LGR5: variants seen among roughly 807,000 people sequenced by gnomAD.
LGR5 encodes the protein leucine rich repeat containing G protein-coupled receptor 5, also known as leucine-rich repeat-containing G protein-coupled receptor 5.
LGR5 carries 54 observed loss-of-function variants against 76.7 expected under a neutral mutation model. The ratio of observed to expected loss-of-function variants is 0.70; its 90% CI spans 0.57 to 0.88. The LOEUF (loss-of-function observed/expected upper bound fraction) is 0.88, where lower values mean the gene tolerates loss of function less well. Among genes scored for constraint, LGR5 ranks in the 40% least tolerant of loss-of-function variants. LGR5 has a pLI of 0.00. For missense variants in LGR5, 1,078 were observed against 1,073.3 expected (o/e 1.00, Z -0.06); for synonymous variants, 406 against 421.9 (o/e 0.96, Z 0.46).
chr12:71,508,115 C>G (rs1050590740), intron 2 of LGR5, among the ~76,000 whole-genome samples: 2 of 151,610 alleles, frequency 1.3e-5, no homozygotes, highest in African/African-American at 4.8e-5. Context: ...GTAGTCCCAG[C>G]TACTCGGGAG....
chr12:71,537,362 G>A (rs891500739), intron 4 of LGR5, among the ~76,000 whole-genome samples: 7 of 152,144 alleles, frequency 4.6e-5, no homozygotes, highest in South Asian at 2.1e-4. Flanking sequence ...CCAGCTAGTC[G>A]GGAGGCTGAA....
At chr12:71,562,196 G>A (rs543491795) in intron 8 of LGR5, among the ~76,000 whole-genome samples, 28 of 152,186 alleles carry the variant, frequency 1.8e-4, no homozygotes, top group African/African-American at 6.3e-4. Flanking sequence ...ACTTAAACCC[G>A]AGTATACTAG....
At chr12:71,555,723 T>C (rs1482173940) in intron 5 of LGR5, among the ~76,000 whole-genome samples, 1 of 152,154 alleles carries the variant, frequency 6.6e-6, no homozygotes, top group East Asian at 1.9e-4. Flanking sequence ...CAAATATGCC[T>C]TGAGAATGTA....
In LGR5 at chr12:71,456,912, A is replaced by T. The variant is rs568649845; in HGVS notation, c.212+16620A>T. ...AAGATATATCTTTCCTGTCTTGGGT[A>T]ACGTAACTCCCTCGTCCCACTTTAT... On this transcript the variant is annotated intron_variant, in intron 1 of 17. Transcript: ENST00000266674. Among the ~76,000 whole-genome samples, 4 of 152,230 alleles carry T rather than the reference A, an allele frequency of 2.6e-5. No homozygotes were observed. In the South Asian group the frequency reaches 8.3e-4, roughly 32 times the overall value.
chr12:71,563,493 C>A (rs1050783507), intron 8 of LGR5, among the ~76,000 whole-genome samples: 1 of 152,184 alleles, frequency 6.6e-6, no homozygotes, highest in Non-Finnish European at 1.5e-5. Flanking sequence ...TCTATTTACA[C>A]TAAATGCAAA....
chr12:71,485,391 G>C (rs1365469898), intron 1 of LGR5, among the ~76,000 whole-genome samples: 1 of 152,098 alleles, frequency 6.6e-6, no homozygotes, highest in Non-Finnish European at 1.5e-5. Context: ...TCAGAAGCAA[G>C]CATTTAATTT....
chr12:71,564,623 C>T (rs1472825569), intron 8 of LGR5, among the ~76,000 whole-genome samples: 2 of 147,958 alleles, frequency 1.4e-5, no homozygotes, highest in East Asian at 2.0e-4. Flanking sequence ...TGCATATATA[C>T]GTATCTGTAC....
intron 8 of LGR5, 128 bp downstream of exon 8, chr12:71,561,980 G>A (rs1878083438): frequency 2.0e-6 from 1 of 502,246 alleles, no homozygotes; most frequent in Non-Finnish European, 3.4e-6. Context: ...CATACAGAAA[G>A]GTATATACAC....
At chr12:71,490,979 G>T (rs1874042797) in intron 1 of LGR5, among the ~76,000 whole-genome samples, 1 of 152,110 alleles carries the variant, frequency 6.6e-6, no homozygotes, top group South Asian at 2.1e-4. Context: ...CCTGGTGGGA[G>T]GTAATTGAAT....
At chr12:71,456,985 AC>A (rs1872509046) in intron 1 of LGR5, among the ~76,000 whole-genome samples, 1 of 151,956 alleles carries the variant, frequency 6.6e-6, no homozygotes. Context: ...GATTCCATAC[AC>A]CCCCATCTCA....
At position 71,501,729 on chromosome 12, in the gene LGR5, C is replaced by G. The variant is rs183140048; in HGVS notation, c.213-2885C>G. Reference sequence around the variant, plus strand: ...ATATTGAGCCTTGTATTTTGTATATCTTTGTATTTTTATTTCACCTTTTTA... The same window carrying G: ...ATATTGAGCCTTGTATTTTGTATATGTTTGTATTTTTATTTCACCTTTTTA... On this transcript the variant is annotated intron_variant, in intron 1 of 17. Coordinates refer to ENST00000266674, the MANE Select transcript of LGR5 (RefSeq NM_003667.4). Among the ~76,000 whole-genome samples, 88 of 152,170 alleles carry G rather than the reference C, an allele frequency of 5.8e-4. No individual in the cohort carries two copies. The East Asian group carries it at 0.016, about 28-fold the overall frequency.
Position 71,548,493 on chromosome 12 carries a change from T to C in LGR5, c.429-4580T>C, listed in dbSNP as rs534917993. Among the ~76,000 whole-genome samples the C allele has an allele frequency of 2.0e-4, 30 of 152,334 alleles. No individual in the cohort carries two copies. In the South Asian group the frequency reaches 5.6e-3, roughly 28 times the overall value. ...ATTCACTGACAATCCAGCACTCATT[T>C]TGGCCACTTTTGCTTAAGCAAAATT... On this transcript the variant is annotated intron_variant, in intron 4 of 17. Coordinates refer to ENST00000266674, the MANE Select transcript of LGR5 (RefSeq NM_003667.4).
chr12:71,523,285 G>T (rs34789750), intron 2 of LGR5, among the ~76,000 whole-genome samples: 11,484 of 151,996 alleles, frequency 0.076, 578 homozygotes, highest in Non-Finnish European at 0.12. Context: ...AGGCTCTTAG[G>T]TCCTTCAGAA....
chr12:71,459,007 G>A (rs1331405223), intron 1 of LGR5, among the ~76,000 whole-genome samples: 1 of 151,962 alleles, frequency 6.6e-6, no homozygotes, highest in Admixed American at 6.6e-5. Context: ...GAGGGAAGGA[G>A]TATTCTAGAC....
intron 1 of LGR5, among the ~76,000 whole-genome samples, chr12:71,493,599 C>T (rs73340159): frequency 0.024 from 3,626 of 150,964 alleles, 353 homozygotes; most frequent in African/African-American, 0.085. Flanking sequence ...GATTAGTAGG[C>T]TTAGGAGAAA....
chr12:71,555,573 G>C (rs903259036), intron 5 of LGR5, among the ~76,000 whole-genome samples: 2 of 152,126 alleles, frequency 1.3e-5, no homozygotes, highest in Admixed American at 6.5e-5. Flanking sequence ...CTGTGCTCCC[G>C]CCCTGGGAAG....
chr12:71,579,456 G>A (rs954890550), intron 15 of LGR5, among the ~76,000 whole-genome samples: 3 of 152,022 alleles, frequency 2.0e-5, no homozygotes, highest in African/African-American at 7.2e-5. Flanking sequence ...AAAGAGAGTT[G>A]GGAAAGCATA....
At chr12:71,582,115 C>T (rs17815083) in intron 16 of LGR5, among the ~76,000 whole-genome samples, 52 of 152,290 alleles carry the variant, frequency 3.4e-4, no homozygotes, top group Non-Finnish European at 6.5e-4. Context: ...TTGGATAAAG[C>T]GGTTCCTACT....
intron 2 of LGR5, among the ~76,000 whole-genome samples, chr12:71,519,170 G>A (rs2464165): frequency 0.21 from 32,118 of 151,950 alleles, 3,553 homozygotes; most frequent in Admixed American, 0.3. Flanking sequence ...CCTCCTTGCA[G>A]CTTCTGGACC....
Sources: gnomAD v4.1 joint callset for allele counts (sites outside exome capture counted in the v4.1 genomes callset) on GRCh38, gnomAD v4.1.1 for gene constraint, MANE v1.5 for transcripts, NCBI Gene and HGNC (gene_info 2026-07-23, HGNC 2026-07-21) for gene names.